The following CCDC88B variants were observed in gnomAD, a reference collection of about 807,000 sequenced individuals.
CCDC88B encodes the protein coiled-coil domain-containing protein 88B.
In CCDC88B, 138 loss-of-function variants were observed where a neutral mutation model predicts 183.7. That is an observed-to-expected ratio of 0.75 (90% CI 0.65 to 0.87). The LOEUF (loss-of-function observed/expected upper bound fraction) is 0.87, where lower values mean the gene tolerates loss of function less well. CCDC88B is among the 40% of genes least tolerant of loss of function. The pLI is 0.00. For missense variants in CCDC88B, 1,822 were observed against 1,965.6 expected, an observed-to-expected ratio of 0.93 and a Z score of 1.38; for synonymous variants, 835 against 867.5, an observed-to-expected ratio of 0.96 and a Z score of 0.66.
Position 64,354,025 on chromosome 11 carries a change from CA to C in CCDC88B, c.3956del (p.Lys1319ArgfsTer2). 1 of 1,484,714 alleles carries C rather than the reference CA, an allele frequency of 6.7e-7. No homozygotes were observed. Among genetic ancestry groups the C allele is most frequent in the South Asian group, 1.4e-5 (1 of 69,120 alleles). 92.0% of individuals were successfully genotyped at this position (1,484,714 alleles called of 1,614,324 possible). A position where few individuals can be genotyped will look rare whatever the true frequency, so the allele number is the denominator to read the frequency against. On this transcript the variant is annotated frameshift_variant, in exon 24 of 27. Coordinates refer to ENST00000356786, the MANE Select transcript of CCDC88B (RefSeq NM_032251.6). LOFTEE classifies it high-confidence loss of function. Reference protein sequence around the residue: ...RTKKGSWLADKVKRLMRPRRE... With the variant: ...RTKKGSWLADXVKRLMRPRRE... ...CCAGGAAGGGCAGCTGGCTGGCAGA[CA>C]AGGTGAAGAGGCTGATGCGGCCCCG...
rs1316284627 is a variant in CCDC88B, at chr11:64,355,211, C to T, written c.4117C>T (p.Pro1373Ser). Residue 1373 changes from proline (P) to serine (S), a missense_variant, in exon 25 of 27, where the codon CCC (proline) becomes TCC (serine). Physicochemically the swap from Pro to Ser is moderately conservative, Grantham distance 74. Coordinates refer to ENST00000356786, the MANE Select transcript of CCDC88B (RefSeq NM_032251.6). ...ADGTGSPSPAPMRRAQSSLCL... is the reference protein window; with the variant it reads ...ADGTGSPSPASMRRAQSSLCL... ...TCTTGCAGGGTCCCCTTCCCCGGCA[C>T]CCATGCGCCGGGCCCAGAGCTCCCT... 2.0e-6 allele frequency: 3 copies of T among 1,500,592 alleles called. No individual in the cohort carries two copies. Among genetic ancestry groups the T allele is most frequent in the East Asian group, 2.4e-5 (1 of 42,494 alleles). The allele number at this position is 1,500,592 out of a possible 1,614,324, so 93.0% of individuals were successfully genotyped here.
rs2036449548 is a variant in CCDC88B at position 64,354,082 on chromosome 11, C to T, written c.4011C>T (p.Arg1337=). Residue 1337 remains arginine (R), a synonymous_variant, in exon 24 of 27, where the codon CGC becomes CGT. Transcript: ENST00000356786. ...AGGGGGGCCCCCCTGGGGGGCTGCG[C>T]CTGGGGGCCGATGGGGCTGGCAGCA... is the stretch of plus-strand genomic sequence containing the variant. ...RREGGPPGGL[R]LGADGAGSTE... The T allele has an allele frequency of 7.0e-7, 1 of 1,429,768 alleles. No homozygotes were observed. The highest frequency in any genetic ancestry group is 9.2e-7 in the Non-Finnish European group (1 of 1,086,568). 88.6% of individuals were successfully genotyped at this position (1,429,768 alleles called of 1,614,324 possible). A position where few individuals can be genotyped will look rare whatever the true frequency, so the allele number is the denominator to read the frequency against.
chr11:64,341,079 G>A lies in CCDC88B; in HGVS notation c.319-30G>A, dbSNP rs774550717. ...GGAAGAGGAGCCCCTTCGGGAAGGCGCCTCATATAGTCTGCCTCTCTGCCT... is the reference window on the plus strand; with the variant it reads ...GGAAGAGGAGCCCCTTCGGGAAGGCACCTCATATAGTCTGCCTCTCTGCCT... On this transcript the variant is annotated intron_variant, in intron 3 of 26. Transcript: ENST00000356786. 5 of 1,613,972 alleles carry A rather than the reference G, an allele frequency of 3.1e-6. No individual in the cohort carries two copies. The South Asian group carries it at 4.4e-5, about 14-fold the overall frequency.
In CCDC88B at chr11:64,355,553, C is replaced by T. The variant is rs538759901; in HGVS notation, c.4307-7C>T. 1.9e-6 allele frequency: 3 copies of T among 1,613,020 alleles called. No homozygotes were observed. Among genetic ancestry groups the T allele is most frequent in the Non-Finnish European group, 2.5e-6 (3 of 1,179,748 alleles). On this transcript the variant is annotated splice_polypyrimidine_tract_variant and splice_region_variant and intron_variant, in intron 25 of 26. Transcript: ENST00000356786. ...CCTGGGCCCAGTGGTTGCCTTGTGC[C>T]TCCCAGGACCTGGTGTGGGATGGGA...
Position 64,341,034 on chromosome 11 carries a change from G to GTTT in CCDC88B, c.318+16_318+17insTTT, listed in dbSNP as rs753237962. ...CTTCTACCAGGTAAGGGGTCTCGAG[G>GTTT]GAAAGGCGGAGACAGGAGGGGAAGA... On this transcript the variant is annotated intron_variant, in intron 3 of 26. Coordinates refer to ENST00000356786, the MANE Select transcript of CCDC88B (RefSeq NM_032251.6). The GTTT allele has an allele frequency of 3.1e-6, 5 of 1,612,942 alleles. No individual in the cohort carries two copies. The highest frequency in any genetic ancestry group is 4.2e-6 in the Non-Finnish European group (5 of 1,179,284).
rs80109197 is a variant in CCDC88B at position 64,353,718 on chromosome 11, C to G, written c.3837C>G (p.Asp1279Glu). 1.5e-3 allele frequency: 2,342 copies of G among 1,614,006 alleles called. 38 individuals carry two copies. The East Asian group carries it at 0.036, about 25-fold the overall frequency. Residue 1279 changes from aspartate to glutamate, a missense_variant, in exon 23 of 27, where the codon GAC (aspartate) becomes GAG (glutamate). By Grantham distance (45) the Asp-to-Glu change is conservative. Transcript: ENST00000356786. ...HLHREQREYLDQLNALRREKQ... is the reference protein window; with the variant it reads ...HLHREQREYLEQLNALRREKQ... ...TCTCCCTTCTCACTCCTGCCAGGGA[C>G]CAGCTTAATGCCCTGCGCCGCGAGA...
rs2035958378 is a variant in CCDC88B at position 64,343,224 on chromosome 11, C to G, written c.1108C>G (p.Leu370Val). 3 of 1,546,028 alleles carry G rather than the reference C, an allele frequency of 1.9e-6. No homozygotes were observed. The highest frequency in any genetic ancestry group is 2.4e-5 in the South Asian group (2 of 84,014). Residue 370 changes from leucine (L) to valine (V), a missense_variant, in exon 11 of 27, where the codon CTG becomes GTG. Transcript: ENST00000356786. ...GGTGCTGGAGGCGTCCAAGGCGCTGCTGGAAGAGCAGCTGGAGGCTGCCCG... is the reference window on the plus strand; with the variant it reads ...GGTGCTGGAGGCGTCCAAGGCGCTGGTGGAAGAGCAGCTGGAGGCTGCCCG... Reference protein sequence around the residue: ...SGVLEASKALLEEQLEAARER... With the variant: ...SGVLEASKALVEEQLEAARER...
rs887120928 is a variant in CCDC88B at position 64,353,624 on chromosome 11, G to A, written c.3834-91G>A. 47 of 1,581,770 alleles carry A rather than the reference G, an allele frequency of 3.0e-5. No homozygotes were observed. In the Middle Eastern group the frequency reaches 1.3e-3, roughly 45 times the overall value. On this transcript the variant is annotated intron_variant, in intron 22 of 26. Coordinates refer to ENST00000356786, the MANE Select transcript of CCDC88B (RefSeq NM_032251.6). ...CCAGGTCAGTCCAATCTGCGGCACGGGACCAGTGCGTCCTCGCTGCAGCTT... is the reference window on the plus strand; with the variant it reads ...CCAGGTCAGTCCAATCTGCGGCACGAGACCAGTGCGTCCTCGCTGCAGCTT...
In CCDC88B at chr11:64,342,341, G is replaced by T; in HGVS notation, c.869G>T (p.Gly290Val). 1 of 1,594,860 alleles carries T rather than the reference G, an allele frequency of 6.3e-7. No homozygotes were observed. Among genetic ancestry groups the T allele is most frequent in the Non-Finnish European group, 8.5e-7 (1 of 1,171,368 alleles). The change falls in exon 9 of 27, where the codon GGT becomes GTT. Residue 290 changes from glycine to valine, a missense_variant. Gly to Val is a moderately radical substitution (Grantham distance 109). Transcript: ENST00000356786. ...CTAGACTCCCAGGCCGAGGTGCAGG[G>T]TTTGGAGGCCGAAATAAGAAGGCTC... ...LLLDSQAEVQ[G>V]LEAEIRRLRQ...
intron 14 of CCDC88B, among the ~76,000 whole-genome samples, chr11:64,347,886 A>G (rs1313054247): frequency 6.6e-6 from 1 of 152,024 alleles, no homozygotes; most frequent in Non-Finnish European, 1.5e-5. Context: ...CCCCAACTCT[A>G]CTAAAAACAC....
intron 5 of CCDC88B, 24 bp downstream of exon 5, chr11:64,341,352 G>T (rs774055112): frequency 1.2e-6 from 2 of 1,614,082 alleles, no homozygotes; most frequent in Admixed American, 3.3e-5. Context: ...GGGAAGGAAA[G>T]GTTAGGGTCG....
At chr11:64,340,815 C>A in intron 2 of CCDC88B, 63 bp downstream of exon 2, 1 of 1,552,082 alleles carries the variant, frequency 6.4e-7, no homozygotes, top group Non-Finnish European at 8.7e-7. Flanking sequence ...AGCGGGTGGG[C>A]GGAGCCTGAT....
rs2036004610 is a variant in CCDC88B, at chr11:64,344,207, C to T, written c.1666C>T (p.Gln556Ter). 1.9e-6 allele frequency: 3 copies of T among 1,611,706 alleles called. No homozygotes were observed. The highest frequency in any genetic ancestry group is 2.5e-6 in the Non-Finnish European group (3 of 1,179,054). Residue 556 changes from glutamine to a stop codon, truncating the protein, a stop_gained, in exon 14 of 27, where the codon CAG (glutamine) becomes TAG (stop). Coordinates refer to ENST00000356786, the MANE Select transcript of CCDC88B (RefSeq NM_032251.6). LOFTEE classifies it high-confidence loss of function. The surrounding 1 kb of genome is among the most constrained non-coding windows in gnomAD (Gnocchi z 4.5). ...TCCCCAGGCACCTGATTCAGACCCA[C>T]AGGAGGCAGAGAGTCCCCTTCAGGC... ...ECPQAPDSDP[Q>*]EAESPLQAAA...
intron 8 of CCDC88B, 22 bp downstream of exon 8, chr11:64,342,161 A>G (rs780303928): frequency 2.5e-6 from 4 of 1,604,358 alleles, no homozygotes; most frequent in Non-Finnish European, 3.4e-6. Context: ...CAGCCTGGGA[A>G]GGGGACTGAG....
chr11:64,352,446 C>G (rs1460596069), intron 19 of CCDC88B, 60 bp downstream of exon 19: 3 of 1,478,700 alleles, frequency 2.0e-6, no homozygotes, highest in Non-Finnish European at 2.7e-6. Context: ...AGAGAAGACT[C>G]CCCTCAGCAG....
chr11:64,348,381 AG>A (rs2036199226), intron 14 of CCDC88B, among the ~76,000 whole-genome samples: 1 of 70,620 alleles, frequency 1.4e-5, no homozygotes, highest in Admixed American at 1.7e-4. Context: ...GGCTTGGGGG[AG>A]GGGGTTCTAG....
chr11:64,343,882 C>T lies in CCDC88B; in HGVS notation c.1423C>T (p.Leu475Phe). ...GGAGAACCGGGAGCTTCGGGGGCTG[C>T]TTCAGGTGCTTCAGGGGCAGCCAGG... is the stretch of plus-strand genomic sequence containing the variant. ...ERENRELRGL[L>F]QVLQGQPGGQ... Residue 475 changes from leucine (L) to phenylalanine (F), a missense_variant, in exon 13 of 27, where the codon CTT becomes TTT. Transcript: ENST00000356786. 1 of 1,604,976 alleles carries T rather than the reference C, an allele frequency of 6.2e-7. No individual in the cohort carries two copies. Among genetic ancestry groups the T allele is most frequent in the South Asian group, 1.1e-5 (1 of 89,714 alleles).
rs1408936658 is a variant in CCDC88B, at chr11:64,343,317, G to A, written c.1201G>A (p.Ala401Thr). The A allele has an allele frequency of 6.5e-7, 1 of 1,550,376 alleles. No individual in the cohort carries two copies. Among genetic ancestry groups the A allele is most frequent in the African/African-American group, 1.4e-5 (1 of 73,160 alleles). ...NLLLRTRLGE[A>T]HAELDSLRHQ... is the part of the protein sequence containing the mutation. The stretch of plus-strand genomic sequence containing the variant: ...GCTGCTGCGAACCCGGCTGGGCGAG[G>A]CCCATGCGGTAAGGTAGCCAGAGTG... The change falls in exon 11 of 27, where the codon GCC becomes ACC. Residue 401 changes from alanine (A) to threonine (T), a missense_variant. Ala to Thr is a moderately conservative substitution (Grantham distance 58). Transcript: ENST00000356786.
At chr11:64,342,433 C>T in intron 9 of CCDC88B, 58 bp downstream of exon 9, 1 of 1,547,140 alleles carries the variant, frequency 6.5e-7, no homozygotes, top group Non-Finnish European at 8.7e-7. Flanking sequence ...CACCCGGTCC[C>T]ATTGCCTCCC....
Sources: gnomAD v4.1 joint callset for allele counts (sites outside exome capture counted in the v4.1 genomes callset) on GRCh38, gnomAD v4.1.1 for gene constraint, Gnocchi (gnomAD v3.1) non-coding constraint, MANE v1.5 for transcripts, NCBI Gene and HGNC (gene_info 2026-07-23, HGNC 2026-07-21) for gene names.